Variants in PPP2R2B observed in about 807,000 individuals in gnomAD.
PPP2R2B encodes the protein protein phosphatase 2 regulatory subunit Bbeta.
In PPP2R2B, 5 loss-of-function variants were observed where a neutral mutation model predicts 46.0. The observed-to-expected ratio is 0.11, with a 90% CI of 0.06 to 0.23. PPP2R2B has a LOEUF of 0.23. Among genes scored for constraint, PPP2R2B ranks in the 10% least tolerant of loss-of-function variants. The pLI is 1.00. For missense variants in PPP2R2B, 367 were observed against 575.0 expected, an observed-to-expected ratio of 0.64 and a Z score of 3.70; for synonymous variants, 215 against 206.7, an observed-to-expected ratio of 1.04 and a Z score of -0.34.
chr5:146,617,249 G>A (rs1773253266), intron 7 of PPP2R2B, among the ~76,000 whole-genome samples: 1 of 152,128 alleles, frequency 6.6e-6, no homozygotes, highest in African/African-American at 2.4e-5. Flanking sequence ...TGGGTTAATG[G>A]TTAATGGGTA....
At chr5:146,815,757 T>C (rs1757894823) in intron 2 of PPP2R2B, among the ~76,000 whole-genome samples, 1 of 152,210 alleles carries the variant, frequency 6.6e-6, no homozygotes, top group Non-Finnish European at 1.5e-5. Flanking sequence ...CTGAATAGTC[T>C]CAATTATATT....
intron 2 of PPP2R2B, among the ~76,000 whole-genome samples, chr5:146,719,882 T>C (rs1780700310): frequency 6.6e-6 from 1 of 152,092 alleles, no homozygotes; most frequent in South Asian, 2.1e-4. Context: ...ATTGGCAACA[T>C]CAAGCTGGCA....
chr5:146,961,624 C>T (rs1752176270), intron 1 of PPP2R2B, among the ~76,000 whole-genome samples: 1 of 152,086 alleles, frequency 6.6e-6, no homozygotes, highest in Non-Finnish European at 1.5e-5. Flanking sequence ...TGTCCTTCCT[C>T]ATATTTGTTT....
intron 2 of PPP2R2B, among the ~76,000 whole-genome samples, chr5:146,794,759 T>C (rs1466204461): frequency 6.6e-6 from 1 of 152,194 alleles, no homozygotes; most frequent in African/African-American, 2.4e-5. Flanking sequence ...ACTTAGGGTT[T>C]TGAAAACAGC....
intron 2 of PPP2R2B, among the ~76,000 whole-genome samples, chr5:146,701,820 T>C (rs575753259): frequency 1.2e-4 from 19 of 152,264 alleles, no homozygotes; most frequent in African/African-American, 4.6e-4. Flanking sequence ...GTACTCTGTA[T>C]TTCTAATCAG....
intron 4 of PPP2R2B, among the ~76,000 whole-genome samples, chr5:146,694,627 T>TG (rs1418848166): frequency 2.0e-5 from 3 of 152,280 alleles, no homozygotes; most frequent in East Asian, 1.9e-4. Context: ...CTATGTACTT[T>TG]GGGGGGAGAA....
intron 2 of PPP2R2B, among the ~76,000 whole-genome samples, chr5:146,703,109 T>A (rs746776312): frequency 6.6e-6 from 1 of 152,224 alleles, no homozygotes; most frequent in Non-Finnish European, 1.5e-5. Flanking sequence ...ATTGCCCTGC[T>A]TGAAAGTACC....
intron 1 of PPP2R2B, among the ~76,000 whole-genome samples, chr5:146,906,337 T>TTATC (rs1190875482): frequency 8.5e-5 from 13 of 152,144 alleles, no homozygotes; most frequent in Non-Finnish European, 1.3e-4. Context: ...ATTTATTTAT[T>TTATC]TGGAGACAGA....
chr5:147,034,920 T>A (rs1345284067), intron 1 of PPP2R2B, among the ~76,000 whole-genome samples: 1 of 151,944 alleles, frequency 6.6e-6, no homozygotes, highest in African/African-American at 2.4e-5. Flanking sequence ...GAAACTTTTT[T>A]AAAACAACCC....
At chr5:146,753,136 G>A (rs1260935390) in intron 2 of PPP2R2B, among the ~76,000 whole-genome samples, 6 of 152,208 alleles carry the variant, frequency 3.9e-5, no homozygotes, top group African/African-American at 1.4e-4. Flanking sequence ...AAGATGAGCA[G>A]CTGCTCCATG....
chr5:146,794,454 GC>G (rs1756397535), intron 2 of PPP2R2B, among the ~76,000 whole-genome samples: 1 of 152,178 alleles, frequency 6.6e-6, no homozygotes, highest in African/African-American at 2.4e-5. Context: ...AAGTGTAATA[GC>G]TTTTAACTTA....
chr5:146,636,655 C>G (rs963182490), intron 7 of PPP2R2B, among the ~76,000 whole-genome samples: 3 of 152,184 alleles, frequency 2.0e-5, no homozygotes, highest in Non-Finnish European at 4.4e-5. Context: ...TTAAGAAGGA[C>G]TGGATACTAT....
intron 1 of PPP2R2B, among the ~76,000 whole-genome samples, chr5:147,016,334 CAA>C (rs1044779483): frequency 7.0e-6 from 1 of 142,588 alleles, no homozygotes; most frequent in African/African-American, 2.6e-5. Flanking sequence ...GACTCTGTCT[CAA>C]AAAAAAAAAG....
Position 146,897,375 on chromosome 5 carries a change from G to A in PPP2R2B, c.79+158290C>T, listed in dbSNP as rs560799794. On this transcript the variant is annotated intron_variant, in intron 1 of 8. Coordinates refer to the PPP2R2B transcript ENST00000336640. Reference sequence around the variant, plus strand: ...GATACAATAAAAAGTTCTTCCTTTTGAAAGAAAACTAAAATGGTCTGGGGT... The same window carrying A: ...GATACAATAAAAAGTTCTTCCTTTTAAAAGAAAACTAAAATGGTCTGGGGT... Among the ~76,000 whole-genome samples the A allele has an allele frequency of 8.5e-5, 13 of 152,324 alleles. No individual in the cohort carries two copies. In the South Asian group the frequency reaches 2.1e-3, roughly 24 times the overall value.
At chr5:146,864,048 TG>T in intron 2 of PPP2R2B, among the ~76,000 whole-genome samples, 1 of 152,280 alleles carries the variant, frequency 6.6e-6, no homozygotes, top group East Asian at 1.9e-4. Flanking sequence ...GAAACATAAT[TG>T]TTCATACCAT....
intron 1 of PPP2R2B, among the ~76,000 whole-genome samples, chr5:146,983,066 T>G (rs1435359882): frequency 6.6e-6 from 1 of 152,036 alleles, no homozygotes; most frequent in East Asian, 1.9e-4. Context: ...TCTCTCATTT[T>G]ATTTTTATTT....
At chr5:146,773,380 C>CA (rs1027273102) in intron 2 of PPP2R2B, among the ~76,000 whole-genome samples, 1 of 152,170 alleles carries the variant, frequency 6.6e-6, no homozygotes, top group Non-Finnish European at 1.5e-5. Flanking sequence ...AAGGCTTGCA[C>CA]AAAGCAGAGC....
intron 4 of PPP2R2B, 54 bp downstream of exon 4, chr5:146,697,925 T>C (rs779358417): frequency 1.2e-4 from 182 of 1,512,110 alleles, no homozygotes; most frequent in Middle Eastern, 1.1e-3. Context: ...GAGATTGAAG[T>C]ATATAGTTTG....
In PPP2R2B at chr5:146,589,840, T is replaced by C. The variant is rs2150995815; in HGVS notation, c.*107A>G. ...TTAATTCTATTCCAATCATTTCCTG[T>C]ATAGGGAAATTAAAGTCAATGCATC... On this transcript the variant is annotated 3_prime_UTR_variant, in exon 10 of 10. Coordinates refer to ENST00000394411, the MANE Select transcript of PPP2R2B (RefSeq NM_181675.4). 4 of 1,120,664 alleles carry C rather than the reference T, an allele frequency of 3.6e-6. No homozygotes were observed. The highest frequency in any genetic ancestry group is 5.2e-6 in the Non-Finnish European group (4 of 774,514). 69.4% of individuals were successfully genotyped at this position (1,120,664 alleles called of 1,614,324 possible).
Sources: gnomAD v4.1 joint callset for allele counts (sites outside exome capture counted in the v4.1 genomes callset) on GRCh38, gnomAD v4.1.1 for gene constraint, MANE v1.5 for transcripts, NCBI Gene and HGNC (gene_info 2026-07-23, HGNC 2026-07-21) for gene names.